GRID1: variants seen among roughly 807,000 people sequenced by gnomAD.
GRID1 encodes glutamate receptor ionotropic, delta-1.
Under a neutral mutation model 98.0 loss-of-function variants are expected in GRID1, and 28 were observed. The ratio of observed to expected loss-of-function variants is 0.29; its 90% confidence interval spans 0.21 to 0.39. The LOEUF (loss-of-function observed/expected upper bound fraction) is 0.39, where lower values mean the gene tolerates loss of function less well. GRID1 is among the 10% of genes least tolerant of loss of function. The probability of loss-of-function intolerance (pLI) is 1.00; values close to 1 mark genes in which losing one functional copy is unlikely to be tolerated. For synonymous variants in GRID1, 553 were observed against 538.5 expected (o/e 1.03, Z -0.37); for missense variants, 1,111 against 1,340.5 (o/e 0.83, Z 2.67).
intron 8 of GRID1, among the ~76,000 whole-genome samples, chr10:85,811,913 CATCA>C (rs1319280732): frequency 1.3e-5 from 2 of 152,152 alleles, no homozygotes; most frequent in East Asian, 3.9e-4. Flanking sequence ...TAGAGCTAAT[CATCA>C]ATCAAAGACA....
At chr10:86,072,679 T>C (rs907928111) in intron 4 of GRID1, among the ~76,000 whole-genome samples, 2 of 152,172 alleles carry the variant, frequency 1.3e-5, no homozygotes, top group Admixed American at 6.5e-5. Context: ...ATCTCTCCTT[T>C]TTAACGTCAG....
intron 8 of GRID1, among the ~76,000 whole-genome samples, chr10:85,798,234 G>T (rs1486170322): frequency 6.6e-6 from 1 of 152,170 alleles, no homozygotes; most frequent in Non-Finnish European, 1.5e-5. Context: ...TATCTGCTAT[G>T]TCTTCTTTGC....
chr10:86,266,556 G>A (rs1186211037), intron 2 of GRID1, among the ~76,000 whole-genome samples: 2 of 152,318 alleles, frequency 1.3e-5, no homozygotes, highest in Admixed American at 1.3e-4. Flanking sequence ...CTTTCCCAGG[G>A]GAGGGCCCTC....
intron 3 of GRID1, among the ~76,000 whole-genome samples, chr10:86,174,842 G>A (rs1845551280): frequency 6.6e-6 from 1 of 152,056 alleles, no homozygotes; most frequent in South Asian, 2.1e-4. Context: ...GACATCAACA[G>A]ACACTTCTCA....
At chr10:85,809,737 A>C (rs1842653737) in intron 8 of GRID1, among the ~76,000 whole-genome samples, 1 of 152,194 alleles carries the variant, frequency 6.6e-6, no homozygotes. Context: ...GAGACTCAAG[A>C]GGGTAGCAGA....
chr10:86,180,638 G>A lies in GRID1; in HGVS notation c.520+25726C>T, dbSNP rs531689197. Among the ~76,000 whole-genome samples, 12 of 152,212 alleles carry A rather than the reference G, an allele frequency of 7.9e-5. No individual in the cohort carries two copies. The South Asian group carries it at 1.0e-3, about 13-fold the overall frequency. Reference sequence around the variant, plus strand: ...AGTGCACCCACTTCCTAGGCTTCCCGACATATGCCAAAAGCTGCTCCACAA... The same window carrying A: ...AGTGCACCCACTTCCTAGGCTTCCCAACATATGCCAAAAGCTGCTCCACAA... On this transcript the variant is annotated intron_variant, in intron 3 of 15. Transcript: ENST00000327946.
chr10:86,062,489 C>A (rs1219108011), intron 4 of GRID1, among the ~76,000 whole-genome samples: 1 of 152,104 alleles, frequency 6.6e-6, no homozygotes, highest in Non-Finnish European at 1.5e-5. Context: ...TTCCCAGACT[C>A]CTCTGCGAGC....
intron 4 of GRID1, among the ~76,000 whole-genome samples, chr10:86,032,020 C>T (rs1045679103): frequency 2.0e-5 from 3 of 152,198 alleles, no homozygotes; most frequent in Non-Finnish European, 4.4e-5. Context: ...ATATGACCCT[C>T]ACCCCATCTT....
At chr10:86,163,274 T>C (rs1384402081) in intron 3 of GRID1, among the ~76,000 whole-genome samples, 1 of 152,106 alleles carries the variant, frequency 6.6e-6, no homozygotes, top group Admixed American at 6.5e-5. Flanking sequence ...CTGCCAGCTG[T>C]CTCCATCAAG....
chr10:85,956,553 A>G (rs754219865), intron 4 of GRID1, among the ~76,000 whole-genome samples: 1 of 152,182 alleles, frequency 6.6e-6, no homozygotes, highest in Non-Finnish European at 1.5e-5. Context: ...TTTTGACCAC[A>G]AGGGACCATC....
At chr10:85,770,879 G>A (rs1842257929) in intron 8 of GRID1, among the ~76,000 whole-genome samples, 1 of 152,160 alleles carries the variant, frequency 6.6e-6, no homozygotes, top group Non-Finnish European at 1.5e-5. Flanking sequence ...GGGGAGAATG[G>A]AACCAAGATG....
intron 4 of GRID1, among the ~76,000 whole-genome samples, chr10:86,078,681 G>T (rs547844176): frequency 6.6e-6 from 1 of 152,232 alleles, no homozygotes; most frequent in Non-Finnish European, 1.5e-5. Context: ...TTCAAAGAAC[G>T]CTTGGGGGCC....
At chr10:86,067,532 C>T (rs1470900361) in intron 4 of GRID1, among the ~76,000 whole-genome samples, 1 of 152,208 alleles carries the variant, frequency 6.6e-6, no homozygotes, top group Non-Finnish European at 1.5e-5. Context: ...ATATTTACAG[C>T]TGATTTTTTA....
chr10:85,919,373 C>T (rs1229186593), intron 4 of GRID1, among the ~76,000 whole-genome samples: 2 of 152,238 alleles, frequency 1.3e-5, no homozygotes, highest in African/African-American at 4.8e-5. Flanking sequence ...TTTGTTAAGC[C>T]TCTTTTCCCC....
intron 13 of GRID1, among the ~76,000 whole-genome samples, chr10:85,636,489 A>G (rs1211699312): frequency 6.6e-6 from 1 of 152,224 alleles, no homozygotes; most frequent in Non-Finnish European, 1.5e-5. Context: ...ATCTTATTCA[A>G]TTTCCCCAAT....
intron 12 of GRID1, among the ~76,000 whole-genome samples, chr10:85,670,815 A>T (rs935097557): frequency 6.6e-6 from 1 of 152,012 alleles, no homozygotes; most frequent in Non-Finnish European, 1.5e-5. Context: ...CTTCATTTTC[A>T]TTGCTTATTG....
At chr10:85,620,192 A>T (rs916884458) in intron 13 of GRID1, among the ~76,000 whole-genome samples, 159 bp from the exon 14 acceptor site, 17 of 152,196 alleles carry the variant, frequency 1.1e-4, no homozygotes, top group African/African-American at 3.1e-4. Flanking sequence ...TCTGGCCTAC[A>T]AATGCCAGCA....
chr10:86,234,638 G>A (rs545081200), intron 2 of GRID1, among the ~76,000 whole-genome samples: 85 of 152,270 alleles, frequency 5.6e-4, no homozygotes, highest in African/African-American at 1.9e-3. Flanking sequence ...TTGGTGTTGC[G>A]GTGTAAATCT....
intron 4 of GRID1, among the ~76,000 whole-genome samples, chr10:85,924,227 G>T (rs1439715164): frequency 2.0e-5 from 3 of 152,180 alleles, no homozygotes; most frequent in African/African-American, 7.2e-5. Flanking sequence ...TGCTTTGCAT[G>T]GTGCATGGTA....
Sources: gnomAD v4.1 joint callset for allele counts (sites outside exome capture counted in the v4.1 genomes callset) on GRCh38, gnomAD v4.1.1 for gene constraint, MANE v1.5 for transcripts, NCBI Gene and HGNC (gene_info 2026-07-23, HGNC 2026-07-21) for gene names.